EDNRB: variants seen among roughly 807,000 people sequenced by gnomAD.
EDNRB encodes the protein endothelin receptor type B, also known as Hirschsprung disease 2.
Under a neutral mutation model 46.4 loss-of-function variants are expected in EDNRB, and 18 were observed. That is an observed-to-expected ratio of 0.39 (90% CI 0.27 to 0.57). The LOEUF (loss-of-function observed/expected upper bound fraction) is 0.57, where lower values mean the gene tolerates loss of function less well. Among genes scored for constraint, EDNRB ranks in the 20% least tolerant of loss-of-function variants. The pLI, the probability that EDNRB is intolerant of heterozygous loss-of-function variation, is 0.61. For synonymous variants in EDNRB, 213 were observed against 204.9 expected (o/e 1.04, Z -0.34); for missense variants, 434 against 537.5 (o/e 0.81, Z 1.90).
chr13:77,960,929 G>T (rs1881391903), intron 1 of EDNRB, among the ~76,000 whole-genome samples: 1 of 149,326 alleles, frequency 6.7e-6, no homozygotes, highest in African/African-American at 2.5e-5. Flanking sequence ...AACCAACAAA[G>T]ATCAAAAGAG....
At chr13:77,968,955 A>G (rs1425464960) in intron 1 of EDNRB, among the ~76,000 whole-genome samples, 2 of 152,128 alleles carry the variant, frequency 1.3e-5, no homozygotes, top group Admixed American at 1.3e-4. Flanking sequence ...CCCTTCCACA[A>G]TTTAGGAGAT....
chr13:77,897,704 A>G lies in EDNRB; in HGVS notation c.*496T>C. ...ACTGCTCTCTCATTTGCATCTAATT[A>G]CAATCTGATAATAGTGTGATAATAT... is the stretch of plus-strand genomic sequence containing the variant. On this transcript the variant is annotated 3_prime_UTR_variant, in exon 7 of 7. Transcript: ENST00000646607. 1.0e-6 allele frequency: 1 copy of G among 985,278 alleles called. No homozygotes were observed. The highest frequency in any genetic ancestry group is 1.2e-6 in the Non-Finnish European group (1 of 829,274). The allele number at this position is 985,278 out of a possible 1,614,324, so 61.0% of individuals were successfully genotyped here.
At chr13:77,936,548 G>C (rs1240354952) in intron 1 of EDNRB, among the ~76,000 whole-genome samples, 1 of 152,216 alleles carries the variant, frequency 6.6e-6, no homozygotes, top group African/African-American at 2.4e-5. Flanking sequence ...ATCTGTGATG[G>C]TCTTGTAGGC....
In EDNRB at chr13:77,896,472, CATT is replaced by C; in HGVS notation, c.*1725_*1727del. ...TATTATTGCTCTTTCTTTCTGGCCA[CATT>C]GTTGGGTTTTGGTTTACTGTACCAT... On this transcript the variant is annotated 3_prime_UTR_variant, in exon 7 of 7. Coordinates refer to ENST00000646607, the MANE Select transcript of EDNRB (RefSeq NM_001122659.3). 6.3e-7 allele frequency: 1 copy of C among 1,577,256 alleles called. No homozygotes were observed. The highest frequency in any genetic ancestry group is 8.6e-7 in the Non-Finnish European group (1 of 1,159,594).
At position 77,933,771 on chromosome 13, in the gene EDNRB, G is replaced by A. The variant is rs564090379; in HGVS notation, c.-51-15147C>T. Among the ~76,000 whole-genome samples the A allele has an allele frequency of 3.3e-5, 5 of 152,312 alleles. No homozygotes were observed. In the East Asian group the frequency reaches 7.7e-4, roughly 24 times the overall value. ...TGCTTCGAGCGGGATTAGGGGTAGC[G>A]TGGGAACCTAGAGTGGGAGAGATTA... On this transcript the variant is annotated intron_variant, in intron 1 of 7. Transcript: ENST00000646948.
At chr13:77,966,490 T>C (rs966907681) in intron 1 of EDNRB, among the ~76,000 whole-genome samples, 1 of 152,262 alleles carries the variant, frequency 6.6e-6, no homozygotes, top group Non-Finnish European at 1.5e-5. Flanking sequence ...TGAATAAATT[T>C]GAATTGATCA....
At chr13:77,899,605 C>A (rs2137602706) in intron 6 of EDNRB, 3 of 403,590 alleles carry the variant, frequency 7.4e-6, no homozygotes, top group African/African-American at 2.0e-5. Context: ...ATTTTTATTA[C>A]TTTTTGGTCA....
At chr13:77,949,935 C>A (rs1881040118) in intron 1 of EDNRB, among the ~76,000 whole-genome samples, 1 of 152,132 alleles carries the variant, frequency 6.6e-6, no homozygotes. Context: ...ATAACCTCTC[C>A]TCCCCAAGTC....
intron 1 of EDNRB, among the ~76,000 whole-genome samples, chr13:77,968,976 A>G (rs964179241): frequency 1.3e-5 from 2 of 152,186 alleles, no homozygotes; most frequent in Non-Finnish European, 2.9e-5. Flanking sequence ...ACTTAGAGTT[A>G]CTTCAGCGTT....
intron 1 of EDNRB, among the ~76,000 whole-genome samples, chr13:77,948,255 G>A (rs1880988671): frequency 6.6e-6 from 1 of 152,004 alleles, no homozygotes; most frequent in African/African-American, 2.4e-5. Flanking sequence ...TTTCAAAGAG[G>A]AATTTTAAAG....
At chr13:77,922,169 C>T (rs556124164), upstream of EDNRB, among the ~76,000 whole-genome samples, 1 of 150,782 alleles carries the variant, frequency 6.6e-6, no homozygotes, top group South Asian at 2.1e-4. Context: ...TACAAAGTTG[C>T]TTATTTTAAA....
upstream of EDNRB, among the ~76,000 whole-genome samples, chr13:77,923,596 T>C (rs999972948): frequency 6.6e-6 from 1 of 152,220 alleles, no homozygotes; most frequent in African/African-American, 2.4e-5. Context: ...TAATTTATAA[T>C]GAGTTTATGT....
upstream of EDNRB, among the ~76,000 whole-genome samples, chr13:77,924,660 G>T (rs1880181702): frequency 6.6e-6 from 1 of 152,050 alleles, no homozygotes; most frequent in South Asian, 2.1e-4. Context: ...TTGCAAATTT[G>T]AAATTTGCTA....
At chr13:77,946,796 G>A (rs1482066838) in intron 1 of EDNRB, among the ~76,000 whole-genome samples, 1 of 152,248 alleles carries the variant, frequency 6.6e-6, no homozygotes, top group Non-Finnish European at 1.5e-5. Flanking sequence ...ATTTATAACA[G>A]TTTGTACTCC....
intron 1 of EDNRB, among the ~76,000 whole-genome samples, chr13:77,963,276 G>T (rs1346920877): frequency 9.2e-5 from 14 of 152,222 alleles, no homozygotes; most frequent in African/African-American, 3.1e-4. Flanking sequence ...CTACTTTAAA[G>T]TTCATATGGA....
chr13:77,948,781 T>C (rs900652850), intron 1 of EDNRB, among the ~76,000 whole-genome samples: 2 of 152,316 alleles, frequency 1.3e-5, no homozygotes, highest in Admixed American at 1.3e-4. Flanking sequence ...CTGCAAAAAA[T>C]TCCACAGCTA....
At chr13:77,905,503 C>A (rs1424014639) in intron 1 of EDNRB, among the ~76,000 whole-genome samples, 1 of 151,886 alleles carries the variant, frequency 6.6e-6, no homozygotes, top group Non-Finnish European at 1.5e-5. Context: ...ATTTATTGAG[C>A]ATTCACTATG....
In EDNRB at chr13:77,898,249, T is replaced by C. The variant is rs778453066; in HGVS notation, c.1280A>G (p.Asp427Gly). Residue 427 changes from aspartate (D) to glycine (G), a missense_variant, in exon 7 of 7, where the codon GAT (aspartate) becomes GGT (glycine). Transcript: ENST00000646607. ...KQSCLKFKAN[D>G]HGYDNFRSSN... ...GGAACGGAAGTTGTCATATCCGTGA[T>C]CATTAGCTTTGAACTTTAAGCACGA... 6.2e-7 allele frequency: 1 copy of C among 1,612,170 alleles called. No individual in the cohort carries two copies. Among genetic ancestry groups the C allele is most frequent in the Non-Finnish European group, 8.5e-7 (1 of 1,178,858 alleles).
intron 1 of EDNRB, among the ~76,000 whole-genome samples, chr13:77,955,845 G>GTATCTATC (rs61434836): frequency 0.033 from 4,756 of 145,686 alleles, 97 homozygotes; most frequent in Non-Finnish European, 0.04. Flanking sequence ...ATGTGTGTGT[G>GTATCTATC]TATCTATCTA....
Sources: allele counts gnomAD v4.1 joint callset (sites outside exome capture counted in the v4.1 genomes callset), GRCh38; gene constraint gnomAD v4.1.1; transcripts MANE v1.5; gene names NCBI Gene and HGNC (gene_info 2026-07-23, HGNC 2026-07-21).